Variants in MRAP2 observed in about 807,000 individuals in gnomAD.
MRAP2 encodes melanocortin 2 receptor accessory protein 2, also known as melanocortin-2 receptor accessory protein 2.
MRAP2 carries 20 observed loss-of-function variants against 17.4 expected under a neutral mutation model. That is an observed-to-expected ratio of 1.15 (90% confidence interval 0.81 to 1.67). MRAP2 has a LOEUF of 1.67. Ranked by LOEUF, MRAP2 falls within the 40% of genes most tolerant of loss-of-function variation. MRAP2 has a pLI of 0.00. For synonymous variants in MRAP2, 96 were observed against 88.4 expected (o/e 1.09, Z -0.48); for missense variants, 238 against 240.0 (o/e 0.99, Z 0.05).
chr6:84,034,998 C>T (rs1041049029), intron 1 of MRAP2, among the ~76,000 whole-genome samples: 1 of 151,992 alleles, frequency 6.6e-6, no homozygotes, highest in Non-Finnish European at 1.5e-5. Flanking sequence ...GTCAGGAAAG[C>T]CAGAGGCCAC....
At chr6:84,130,092 G>A in the MRAP2 span, among the ~76,000 whole-genome samples, 6,676 of 152,198 alleles carry the variant, frequency 0.044, 475 homozygotes, top group African/African-American at 0.15. Flanking sequence ...TTTTGTCGAA[G>A]GCCTCTTCTG....
intron 3 of MRAP2, among the ~76,000 whole-genome samples, chr6:84,067,230 G>C (rs1169493253): frequency 6.6e-6 from 1 of 152,114 alleles, no homozygotes; most frequent in Non-Finnish European, 1.5e-5. Context: ...CCTTTTTATG[G>C]CTGAGTAGTG....
chr6:84,042,602 T>C (rs1027141139), intron 1 of MRAP2, among the ~76,000 whole-genome samples: 1 of 152,226 alleles, frequency 6.6e-6, no homozygotes, highest in African/African-American at 2.4e-5. Flanking sequence ...TGAGGGACAC[T>C]ATATTCTTGC....
chr6:84,052,269 G>A, intron 1 of MRAP2, among the ~76,000 whole-genome samples: 1 of 152,164 alleles, frequency 6.6e-6, no homozygotes, highest in East Asian at 1.9e-4. Context: ...TCAAGAGAGA[G>A]CAGCTGCCGG....
the MRAP2 span, among the ~76,000 whole-genome samples, chr6:84,131,117 A>G: frequency 1.3e-5 from 2 of 152,170 alleles, no homozygotes; most frequent in Non-Finnish European, 2.9e-5. Context: ...TTATTTATCC[A>G]GTAGTCCTTC....
chr6:84,112,580 G>A, the MRAP2 span, among the ~76,000 whole-genome samples: 2 of 151,950 alleles, frequency 1.3e-5, no homozygotes, highest in South Asian at 2.1e-4. Flanking sequence ...ATTTTTATGA[G>A]GGATTTTTTA....
At chr6:84,045,467 A>G (rs111437556) in intron 1 of MRAP2, among the ~76,000 whole-genome samples, 1 of 151,966 alleles carries the variant, frequency 6.6e-6, no homozygotes, top group African/African-American at 2.4e-5. Flanking sequence ...CTGAAAAAAA[A>G]AAATATACAC....
the MRAP2 span, among the ~76,000 whole-genome samples, chr6:84,122,538 T>G: frequency 6.6e-6 from 1 of 152,046 alleles, no homozygotes; most frequent in Non-Finnish European, 1.5e-5. Context: ...TATCCCTTCA[T>G]GATGAACACC....
At chr6:84,063,102 G>C in intron 3 of MRAP2, 110 bp downstream of exon 3, 2 of 1,537,308 alleles carry the variant, frequency 1.3e-6, no homozygotes, top group Non-Finnish European at 1.8e-6. Context: ...GAAGGGGGTG[G>C]TTATAGATTT....
rs117511977 is a variant in MRAP2 at position 84,077,499 on chromosome 6, A to G, written c.228-11592A>G. Reference sequence around the variant, plus strand: ...AACTGCCTAGCTTATGTCTATGGTTATATGATTTTCTACCTGAAATCTTCC... The same window carrying G: ...AACTGCCTAGCTTATGTCTATGGTTGTATGATTTTCTACCTGAAATCTTCC... On this transcript the variant is annotated intron_variant, in intron 3 of 3. Coordinates refer to ENST00000257776, the MANE Select transcript of MRAP2 (RefSeq NM_138409.4). Among the ~76,000 whole-genome samples, 75 of 152,294 alleles carry G rather than the reference A, an allele frequency of 4.9e-4. 1 individual carries two copies. The East Asian group carries it at 0.012, about 24-fold the overall frequency.
At chr6:84,072,949 G>GT (rs909246184) in intron 3 of MRAP2, among the ~76,000 whole-genome samples, 12 of 152,114 alleles carry the variant, frequency 7.9e-5, no homozygotes, top group Admixed American at 7.9e-4. Context: ...CCCCTAATCT[G>GT]TTTCCAGGCA....
intron 3 of MRAP2, among the ~76,000 whole-genome samples, chr6:84,072,613 G>A (rs1199077638): frequency 6.6e-6 from 1 of 152,220 alleles, no homozygotes; most frequent in African/African-American, 2.4e-5. Context: ...GGAGGAACAG[G>A]TGGTGGGCAG....
At chr6:84,096,590 G>A in the MRAP2 span, among the ~76,000 whole-genome samples, 1 of 152,138 alleles carries the variant, frequency 6.6e-6, no homozygotes, top group Admixed American at 6.5e-5. Flanking sequence ...AGTGTCATAG[G>A]TTGTGTTCCA....
the MRAP2 span, among the ~76,000 whole-genome samples, chr6:84,130,576 T>C: frequency 6.6e-6 from 1 of 152,198 alleles, no homozygotes; most frequent in African/African-American, 2.4e-5. Context: ...TCTTCCTCGT[T>C]TAGACTTGGG....
At chr6:84,087,651 TA>T (rs1351100689) in intron 3 of MRAP2, among the ~76,000 whole-genome samples, 2 of 152,210 alleles carry the variant, frequency 1.3e-5, no homozygotes, top group African/African-American at 4.8e-5. Context: ...CACTAAAGCA[TA>T]AATCTTCAGT....
the MRAP2 span, among the ~76,000 whole-genome samples, chr6:84,102,256 T>A: frequency 6.6e-6 from 1 of 152,188 alleles, no homozygotes; most frequent in Non-Finnish European, 1.5e-5. Context: ...TGTGAATATG[T>A]TATTTATTGG....
chr6:84,116,060 G>A, the MRAP2 span, among the ~76,000 whole-genome samples: 8 of 152,158 alleles, frequency 5.3e-5, no homozygotes, highest in Non-Finnish European at 1.2e-4. Context: ...TTAAGATCAT[G>A]TCATCTGCAA....
intron 3 of MRAP2, chr6:84,063,378 A>G: frequency 1.0e-6 from 1 of 985,460 alleles, no homozygotes; most frequent in Non-Finnish European, 1.2e-6. Context: ...GATGAAAACC[A>G]GTTTTAAAAA....
chr6:84,084,899 T>C (rs1562891608), intron 3 of MRAP2, among the ~76,000 whole-genome samples: 1 of 116,724 alleles, frequency 8.6e-6, no homozygotes, highest in Non-Finnish European at 1.8e-5. Flanking sequence ...TTTTATTTTA[T>C]TTTATTTTAT....
Sources: allele counts gnomAD v4.1 joint callset (sites outside exome capture counted in the v4.1 genomes callset), GRCh38; gene constraint gnomAD v4.1.1; transcripts MANE v1.5; gene names NCBI Gene and HGNC (gene_info 2026-07-23, HGNC 2026-07-21).